USP44: variants seen among roughly 807,000 people sequenced by gnomAD.
USP44 encodes the protein ubiquitin specific peptidase 44.
A neutral mutation model predicts 69.0 loss-of-function variants in USP44; 61 were observed. The ratio of observed to expected loss-of-function variants is 0.88; its 90% CI spans 0.72 to 1.09. The LOEUF (loss-of-function observed/expected upper bound fraction) is 1.09. Among genes scored for constraint, USP44 ranks in the 50% least tolerant of loss-of-function variants. The pLI is 0.00. For synonymous variants in USP44, 297 were observed against 295.4 expected, an observed-to-expected ratio of 1.01 and a Z score of -0.06; for missense variants, 753 against 849.9, an observed-to-expected ratio of 0.89 and a Z score of 1.42.
In USP44 at chr12:95,531,179, A is replaced by G. The variant is rs116815178; in HGVS notation, c.1428+1650T>C. ...ACTCTGTCTCAAAAAAACAAAAACAAAAACAAAAAAAAACATATGATGTTA... is the reference window on the plus strand; with the variant it reads ...ACTCTGTCTCAAAAAAACAAAAACAGAAACAAAAAAAAACATATGATGTTA... On this transcript the variant is annotated intron_variant, in intron 2 of 5. Transcript: ENST00000258499. Among the ~76,000 whole-genome samples the G allele has an allele frequency of 5.9e-3, 896 of 152,254 alleles. 7 individuals are homozygous for G. The highest frequency in any genetic ancestry group is 0.021 in the African/African-American group (855 of 41,556).
chr12:95,521,103 G>A lies in USP44; in HGVS notation c.1833C>T (p.Ser611=), dbSNP rs769346352. ...EPYCCRETLK[S]LRPECFIYDL... is the part of the protein sequence containing the mutation. ...CATAGATAAAGCATTCTGGTCTGAG[G>A]GATTTCAGGGTCTCCCTGCAGCAAT... Residue 611 remains serine, a synonymous_variant, in exon 5 of 6, where the codon TCC becomes TCT. Coordinates refer to ENST00000258499, the MANE Select transcript of USP44 (RefSeq NM_032147.5). The A allele has an allele frequency of 6.2e-6, 10 of 1,613,998 alleles. No individual in the cohort carries two copies. The African/African-American group carries it at 8.0e-5, about 13-fold the overall frequency.
chr12:95,531,453 G>T lies in USP44; in HGVS notation c.1428+1376C>A, dbSNP rs1018121752. On this transcript the variant is annotated intron_variant, in intron 2 of 5. Transcript: ENST00000258499. Reference sequence around the variant, plus strand: ...TTGTGGGGTTATAGGATTAGAGAATGATTTTTCTTTCCTTCTATATAGATT... The same window carrying T: ...TTGTGGGGTTATAGGATTAGAGAATTATTTTTCTTTCCTTCTATATAGATT... 2.6e-5 allele frequency among the ~76,000 whole-genome samples: 4 copies of T among 152,110 alleles called. 1 individual carries two copies. Among genetic ancestry groups the T allele is most frequent in the Non-Finnish European group, 5.9e-5 (4 of 68,022 alleles).
rs3812813 is a variant in USP44, at chr12:95,533,986, T to C, written c.271A>G (p.Thr91Ala). The change falls in exon 2 of 6, where the codon ACA (threonine) becomes GCA (alanine). Residue 91 changes from threonine (T) to alanine (A), a missense_variant. Coordinates refer to ENST00000258499, the MANE Select transcript of USP44 (RefSeq NM_032147.5). ...CGTAGTAACTTCAGGTCTCCAGTTG[T>C]GTTATCATTCAGAACATAATCATCA... is the stretch of plus-strand genomic sequence containing the variant. ...LCDDYVLNDN[T>A]TGDLKLLRRT... 923,059 of 1,613,870 alleles carry C rather than the reference T, an allele frequency of 0.57. 269,615 individuals carry two copies. The highest frequency in any genetic ancestry group is 0.82 in the African/African-American group (61,266 of 74,974).
At chr12:95,538,737 G>A (rs1199557054) in intron 1 of USP44, among the ~76,000 whole-genome samples, 4 of 152,218 alleles carry the variant, frequency 2.6e-5, no homozygotes, top group African/African-American at 9.6e-5. Flanking sequence ...CCAGGCTGCT[G>A]TCCCTAGAGA....
intron 1 of USP44, among the ~76,000 whole-genome samples, chr12:95,544,147 C>T (rs1437826438): frequency 2.0e-5 from 3 of 146,682 alleles, no homozygotes; most frequent in African/African-American, 7.6e-5. Flanking sequence ...CTCCACCTCC[C>T]GAGTTCACGC....
chr12:95,532,167 G>GTTTT (rs1272256143), intron 2 of USP44, among the ~76,000 whole-genome samples: 5 of 126,658 alleles, frequency 3.9e-5, no homozygotes, highest in Non-Finnish European at 4.8e-5. Context: ...CTTTCTTTGG[G>GTTTT]TTTTTTTTTT....
chr12:95,539,733 CTAAAGT>C (rs1298983402), intron 1 of USP44, among the ~76,000 whole-genome samples: 1 of 152,118 alleles, frequency 6.6e-6, no homozygotes, highest in Non-Finnish European at 1.5e-5. Flanking sequence ...TAGCAAATCT[CTAAAGT>C]TAAATAACTA....
At chr12:95,544,991 T>C (rs1000590804) in intron 1 of USP44, among the ~76,000 whole-genome samples, 1 of 152,208 alleles carries the variant, frequency 6.6e-6, no homozygotes, top group Non-Finnish European at 1.5e-5. Flanking sequence ...CTTCTTAACA[T>C]GGCACATAAA....
At chr12:95,531,819 T>A in intron 2 of USP44, among the ~76,000 whole-genome samples, 1 of 152,288 alleles carries the variant, frequency 6.6e-6, no homozygotes, top group East Asian at 1.9e-4. Context: ...ATAGCCTCAG[T>A]TATAAAAAAA....
Position 95,533,753 on chromosome 12 carries a change from T to C in USP44, c.504A>G (p.Gln168=), listed in dbSNP as rs775236322. The change falls in exon 2 of 6, where the codon CAA becomes CAG. Residue 168 remains glutamine, a synonymous_variant. Coordinates refer to ENST00000258499, the MANE Select transcript of USP44 (RefSeq NM_032147.5). ...MGKIFRTWFE[Q]SPIGRKKQEE... The stretch of plus-strand genomic sequence containing the variant: ...CTTGCTTTTTTCTTCCAATGGGTGA[T>C]TGTTCAAACCATGTTCGAAAGATTT... 1.9e-6 allele frequency: 3 copies of C among 1,614,206 alleles called. No individual in the cohort carries two copies. Among genetic ancestry groups the C allele is most frequent in the Non-Finnish European group, 2.5e-6 (3 of 1,180,038 alleles).
chr12:95,527,283 T>TG (rs1220467830), intron 3 of USP44, among the ~76,000 whole-genome samples: 1 of 151,582 alleles, frequency 6.6e-6, no homozygotes, highest in Non-Finnish European at 1.5e-5. Flanking sequence ...TTAGTAGAGA[T>TG]GGGGTTTCAC....
chr12:95,533,754 T>G lies in USP44; in HGVS notation c.503A>C (p.Gln168Pro), dbSNP rs145368953. The G allele has an allele frequency of 2.1e-4, 343 of 1,614,096 alleles. No homozygotes were observed. The highest frequency in any genetic ancestry group is 1.5e-3 in the Middle Eastern group (9 of 6,084). ...TTGCTTTTTTCTTCCAATGGGTGAT[T>G]GTTCAAACCATGTTCGAAAGATTTT... ...MGKIFRTWFE[Q>P]SPIGRKKQEE... The change falls in exon 2 of 6, where the codon CAA becomes CCA. Residue 168 changes from glutamine (Q) to proline (P), a missense_variant. Transcript: ENST00000258499.
intron 1 of USP44, among the ~76,000 whole-genome samples, chr12:95,542,264 C>T (rs944651396): frequency 6.6e-6 from 1 of 152,176 alleles, no homozygotes; most frequent in Non-Finnish European, 1.5e-5. Flanking sequence ...TGTGTGCATA[C>T]ATCCTTACTT....
intron 1 of USP44, chr12:95,546,420 A>C (rs2077572969): frequency 6.6e-6 from 1 of 152,178 alleles, no homozygotes; most frequent in Admixed American, 6.5e-5. Flanking sequence ...TGAATGTTAC[A>C]CCTTTTACAA....
chr12:95,517,907 A>AAAAAT lies in USP44; in HGVS notation c.*242_*246dup. ...TCATCATCCGAGCCAATTAAGACAT[A>AAAAAT]AAAATATAAAAGAGGTAACATCAGT... is the stretch of plus-strand genomic sequence containing the variant. On this transcript the variant is annotated 3_prime_UTR_variant, in exon 6 of 6. Coordinates refer to ENST00000258499, the MANE Select transcript of USP44 (RefSeq NM_032147.5). 1 of 326,122 alleles carries AAAAAT rather than the reference A, an allele frequency of 3.1e-6. No individual in the cohort carries two copies. The highest frequency in any genetic ancestry group is 4.4e-5 in the Admixed American group (1 of 22,702). 20.2% of individuals were successfully genotyped at this position (326,122 alleles called of 1,614,324 possible).
intron 5 of USP44, among the ~76,000 whole-genome samples, chr12:95,519,470 C>T (rs1449568889): frequency 6.5e-5 from 8 of 122,680 alleles, no homozygotes; most frequent in South Asian, 2.8e-4. Context: ...GATGGAGTCT[C>T]GCTCTGTCAC....
At position 95,518,055 on chromosome 12, in the gene USP44, T is replaced by TA; in HGVS notation, c.*98dup. 2.3e-6 allele frequency: 3 copies of TA among 1,312,346 alleles called. No individual in the cohort carries two copies. Among genetic ancestry groups the TA allele is most frequent in the Non-Finnish European group, 2.1e-6 (2 of 946,554 alleles). The allele number at this position is 1,312,346 out of a possible 1,614,324, so 81.3% of individuals were successfully genotyped here. ...AGATATAAAATGTATAAATGTAGTA[T>TA]ACACTGATTCACAAGAAAAAATGAA... On this transcript the variant is annotated 3_prime_UTR_variant, in exon 6 of 6. Coordinates refer to ENST00000258499, the MANE Select transcript of USP44 (RefSeq NM_032147.5).
chr12:95,528,905 T>C lies in USP44; in HGVS notation c.1526A>G (p.Asp509Gly), dbSNP rs1022273709. 8 of 1,614,076 alleles carry C rather than the reference T, an allele frequency of 5.0e-6. No homozygotes were observed. The highest frequency in any genetic ancestry group is 6.8e-6 in the Non-Finnish European group (8 of 1,180,002). The change falls in exon 3 of 6, where the codon GAT becomes GGT. Residue 509 changes from aspartate (D) to glycine (G), a missense_variant. Asp to Gly is a moderately conservative substitution (Grantham distance 94, BLOSUM62 -1). Coordinates refer to ENST00000258499, the MANE Select transcript of USP44 (RefSeq NM_032147.5). Reference sequence around the variant, plus strand: ...AACCAGACATGGCTGGGAAGCAATATCTTTTCCACTGCATTGATACCTTTC... The same window carrying C: ...AACCAGACATGGCTGGGAAGCAATACCTTTTCCACTGCATTGATACCTTTC... The part of the protein sequence containing the change: ...FPERYQCSGK[D>G]IASQPCLVTE...
chr12:95,527,269 A>G (rs2076871545), intron 3 of USP44, among the ~76,000 whole-genome samples: 1 of 151,440 alleles, frequency 6.6e-6, no homozygotes. Context: ...TAATTTTTGT[A>G]TTTTTAGTAG....
Sources: gnomAD v4.1 joint callset for allele counts (sites outside exome capture counted in the v4.1 genomes callset) on GRCh38, gnomAD v4.1.1 for gene constraint, MANE v1.5 for transcripts, NCBI Gene and HGNC (gene_info 2026-07-23, HGNC 2026-07-21) for gene names.